SH2D4A: variants seen among roughly 807,000 people sequenced by gnomAD.
SH2D4A encodes the protein SH2 domain-containing protein 4A.
In SH2D4A, 70 loss-of-function variants were observed where a neutral mutation model predicts 64.7. That is an observed-to-expected ratio of 1.08 (90% CI 0.89 to 1.32). SH2D4A has a LOEUF of 1.32. Ranked by LOEUF, SH2D4A falls within the 40% of genes most tolerant of loss-of-function variation. The pLI, the probability that SH2D4A is intolerant of heterozygous loss-of-function variation, is 0.00. For synonymous variants in SH2D4A, 268 were observed against 200.7 expected (o/e 1.34, Z -2.83); for missense variants, 706 against 540.1 (o/e 1.31, Z -3.04).
chr8:19,360,923 C>G (rs1485807786), intron 5 of SH2D4A: 11 of 234,364 alleles, frequency 4.7e-5, no homozygotes, highest in Non-Finnish European at 8.4e-5. Context: ...CTCAATATAA[C>G]CCTAAGAAAT....
At chr8:19,344,141 T>G (rs1585162518) in intron 4 of SH2D4A, among the ~76,000 whole-genome samples, 1 of 152,176 alleles carries the variant, frequency 6.6e-6, no homozygotes, top group Non-Finnish European at 1.5e-5. Context: ...TCTTTGTGGC[T>G]TACCCTAGTA....
chr8:19,363,995 T>A, intron 6 of SH2D4A, 77 bp from the exon 7 acceptor site: 3 of 1,391,122 alleles, frequency 2.2e-6, no homozygotes, highest in Non-Finnish European at 3.0e-6. Context: ...CTGCTGCCCG[T>A]TGTGCAATGA....
chr8:19,334,919 G>A (rs954008869), intron 4 of SH2D4A, 62 bp downstream of exon 4: 29 of 1,519,948 alleles, frequency 1.9e-5, no homozygotes, highest in Middle Eastern at 4.3e-4. Context: ...AGCTATTGAG[G>A]CCACAGAGAC....
intron 9 of SH2D4A, among the ~76,000 whole-genome samples, chr8:19,393,844 T>G (rs888075954): frequency 6.6e-6 from 1 of 152,134 alleles, no homozygotes; most frequent in South Asian, 2.1e-4. Context: ...TCCCCAAACT[T>G]TGTGACACCA....
intron 7 of SH2D4A, among the ~76,000 whole-genome samples, chr8:19,371,893 TCA>T (rs1324699520): frequency 6.6e-6 from 1 of 152,202 alleles, no homozygotes; most frequent in African/African-American, 2.4e-5. Context: ...TAAAATTACT[TCA>T]GTCTTTCTGC....
intron 2 of SH2D4A, among the ~76,000 whole-genome samples, chr8:19,330,635 G>C (rs1489413903): frequency 1.3e-5 from 2 of 152,044 alleles, no homozygotes; most frequent in South Asian, 4.1e-4. Context: ...TGCCCTGCCC[G>C]TAGCCCCTGG....
chr8:19,378,881 C>CA (rs956152277), intron 8 of SH2D4A, among the ~76,000 whole-genome samples: 13 of 57,980 alleles, frequency 2.2e-4, no homozygotes, highest in South Asian at 1.3e-3. Flanking sequence ...TCCATCTCTA[C>CA]AAAAAAAACA....
chr8:19,342,690 C>G (rs1039076789), intron 4 of SH2D4A, among the ~76,000 whole-genome samples: 2 of 152,302 alleles, frequency 1.3e-5, no homozygotes, highest in East Asian at 1.9e-4. Flanking sequence ...TCAGGTCCCT[C>G]TTATTATCTG....
chr8:19,353,369 T>TG lies in SH2D4A; in HGVS notation c.514-3834_514-3833insG, dbSNP rs1491162191. On this transcript the variant is annotated intron_variant, in intron 4 of 9. Transcript: ENST00000265807. ...ACTTTTGAGTCCATTAATCATCTAG[T>TG]TTTTTTTTTTTTTTTTTGAGACGGA... Among the ~76,000 whole-genome samples the TG allele has an allele frequency of 2.3e-4, 23 of 102,026 alleles. No individual in the cohort carries two copies. The East Asian group carries it at 5.5e-3, about 24-fold the overall frequency. The allele number at this position is 102,026 out of a possible 152,430, so 66.9% of individuals were successfully genotyped here. A position where few individuals can be genotyped will look rare whatever the true frequency, so the allele number is the denominator to read the frequency against.
In SH2D4A at chr8:19,395,171, G is replaced by C. The variant is rs1393952324; in HGVS notation, c.*529G>C. The C allele has an allele frequency of 6.6e-6, 1 of 152,196 alleles. No homozygotes were observed. The highest frequency in any genetic ancestry group is 2.4e-5 in the African/African-American group (1 of 41,450). 9.4% of individuals were successfully genotyped at this position (152,196 alleles called of 1,614,324 possible). On this transcript the variant is annotated 3_prime_UTR_variant, in exon 10 of 10. Coordinates refer to ENST00000265807, the MANE Select transcript of SH2D4A (RefSeq NM_022071.4). ...ACATGAGAGACATAGAAAAACAGAA[G>C]TCATGAATGTAAATTGAATGAGAGG...
intron 4 of SH2D4A, among the ~76,000 whole-genome samples, chr8:19,341,011 T>C (rs948305653): frequency 2.6e-5 from 4 of 152,206 alleles, no homozygotes; most frequent in Non-Finnish European, 4.4e-5. Context: ...TTTGTACAGA[T>C]GAAGAAACAA....
intron 4 of SH2D4A, among the ~76,000 whole-genome samples, chr8:19,341,254 G>A (rs1432227384): frequency 6.6e-6 from 1 of 152,198 alleles, no homozygotes; most frequent in Non-Finnish European, 1.5e-5. Flanking sequence ...GATTTGCACA[G>A]TAAGGATTAA....
In SH2D4A at chr8:19,361,315, G is replaced by GT; in HGVS notation, c.706+2dup. 1.9e-6 allele frequency: 3 copies of GT among 1,608,584 alleles called. No homozygotes were observed. Among genetic ancestry groups the GT allele is most frequent in the Middle Eastern group, 1.7e-4 (1 of 6,032 alleles). On this transcript the variant is annotated splice_donor_variant, in intron 6 of 9. Coordinates refer to ENST00000265807, the MANE Select transcript of SH2D4A (RefSeq NM_022071.4). LOFTEE classifies it high-confidence loss of function. Reference sequence around the variant, plus strand: ...GAAGACTCGGAATGGCAGGCATCTCGTGAGTACCCAGAGGTCTCCATAGCA... The same window carrying GT: ...GAAGACTCGGAATGGCAGGCATCTCGTTGAGTACCCAGAGGTCTCCATAGCA...
chr8:19,368,663 CT>C (rs2153649397), intron 7 of SH2D4A, among the ~76,000 whole-genome samples: 1 of 138,778 alleles, frequency 7.2e-6, no homozygotes, highest in Admixed American at 7.6e-5. Context: ...CATAGAGATG[CT>C]ACTGATTTTT....
intron 7 of SH2D4A, among the ~76,000 whole-genome samples, chr8:19,368,136 C>G (rs1339899194): frequency 6.6e-6 from 1 of 152,032 alleles, no homozygotes; most frequent in Non-Finnish European, 1.5e-5. Flanking sequence ...AGTAGGTGTT[C>G]TTGGTGCTTT....
At chr8:19,374,000 C>T (rs936269105) in intron 8 of SH2D4A, among the ~76,000 whole-genome samples, 5 of 152,170 alleles carry the variant, frequency 3.3e-5, no homozygotes, top group East Asian at 1.9e-4. Flanking sequence ...TTCCTTTCAC[C>T]GAGGGACACA....
At chr8:19,390,041 G>A (rs2053463893) in intron 8 of SH2D4A, among the ~76,000 whole-genome samples, 2 of 152,148 alleles carry the variant, frequency 1.3e-5, no homozygotes, top group Non-Finnish European at 2.9e-5. Flanking sequence ...AATTCTTAGA[G>A]TTGTGCAAAG....
At chr8:19,334,315 T>C (rs940192080) in intron 3 of SH2D4A, among the ~76,000 whole-genome samples, 1 of 152,134 alleles carries the variant, frequency 6.6e-6, no homozygotes, top group Non-Finnish European at 1.5e-5. Context: ...CATGGACATA[T>C]GAAGATAAAG....
chr8:19,364,499 T>G (rs1276024989), intron 7 of SH2D4A, among the ~76,000 whole-genome samples: 1 of 151,954 alleles, frequency 6.6e-6, no homozygotes, highest in Non-Finnish European at 1.5e-5. Flanking sequence ...GCTGTTATAC[T>G]TAGTATACCC....
Sources: allele counts gnomAD v4.1 joint callset (sites outside exome capture counted in the v4.1 genomes callset), GRCh38; gene constraint gnomAD v4.1.1; transcripts MANE v1.5; gene names NCBI Gene and HGNC (gene_info 2026-07-23, HGNC 2026-07-21).